SCARA5: variants seen among roughly 807,000 people sequenced by gnomAD.
SCARA5 encodes the protein scavenger receptor class A member 5.
A neutral mutation model predicts 46.3 loss-of-function variants in SCARA5; 45 were observed. The observed-to-expected ratio is 0.97, with a 90% CI of 0.76 to 1.24. The LOEUF (loss-of-function observed/expected upper bound fraction) is 1.24. SCARA5 is among the 50% of genes most tolerant of loss of function. The pLI is 0.00. For missense variants in SCARA5, 680 were observed against 689.0 expected (o/e 0.99, Z 0.15); for synonymous variants, 333 against 306.5 (o/e 1.09, Z -0.90).
At chr8:27,943,393 T>C (rs1363678244) in intron 3 of SCARA5, among the ~76,000 whole-genome samples, 1 of 151,494 alleles carries the variant, frequency 6.6e-6, no homozygotes, top group African/African-American at 2.4e-5. Flanking sequence ...CAGTGAGCAC[T>C]GCACTCCAGC....
At chr8:27,877,735 G>C (rs1331080678) in intron 8 of SCARA5, among the ~76,000 whole-genome samples, 1 of 152,030 alleles carries the variant, frequency 6.6e-6, no homozygotes, top group East Asian at 1.9e-4. Context: ...TTCTTTCCTG[G>C]TAGGCTGCCC....
intron 3 of SCARA5, among the ~76,000 whole-genome samples, chr8:27,941,514 G>A (rs1807944365): frequency 6.6e-6 from 1 of 152,086 alleles, no homozygotes; most frequent in Admixed American, 6.6e-5. Context: ...ACTGTGCTTT[G>A]TGTTATGCAG....
chr8:27,970,318 G>A (rs2129948259), intron 2 of SCARA5, among the ~76,000 whole-genome samples: 1 of 152,282 alleles, frequency 6.6e-6, no homozygotes, highest in South Asian at 2.1e-4. Flanking sequence ...CAACTCCAGA[G>A]GCAGAGCTCA....
At chr8:27,918,389 C>T (rs1807500921) in intron 4 of SCARA5, among the ~76,000 whole-genome samples, 3 of 151,970 alleles carry the variant, frequency 2.0e-5, no homozygotes, top group Admixed American at 6.6e-5. Context: ...ATGCAGAGGG[C>T]CCCATCATTA....
intron 7 of SCARA5, among the ~76,000 whole-genome samples, chr8:27,881,866 G>A (rs1410011805): frequency 6.6e-6 from 1 of 152,074 alleles, no homozygotes; most frequent in East Asian, 1.9e-4. Flanking sequence ...CTACACTGAT[G>A]CCTCGTCATC....
rs1806641261 is a variant in SCARA5 at position 27,871,730 on chromosome 8, A to G, written c.*204T>C. The stretch of plus-strand genomic sequence containing the variant: ...CTGGTGGAAGAGAGAGACGGGCAGT[A>G]GGTCCCAGAGTTATACTTCGGAGCA... On this transcript the variant is annotated 3_prime_UTR_variant, in exon 9 of 9. Coordinates refer to ENST00000354914, the MANE Select transcript of SCARA5 (RefSeq NM_173833.6). 1 of 1,411,580 alleles carries G rather than the reference A, an allele frequency of 7.1e-7. No homozygotes were observed. Among genetic ancestry groups the G allele is most frequent in the African/African-American group, 1.4e-5 (1 of 69,452 alleles). 87.4% of individuals were successfully genotyped at this position (1,411,580 alleles called of 1,614,324 possible).
intron 3 of SCARA5, among the ~76,000 whole-genome samples, chr8:27,939,055 G>A (rs1475429034): frequency 6.6e-6 from 1 of 152,112 alleles, no homozygotes; most frequent in African/African-American, 2.4e-5. Flanking sequence ...CACTATGTTG[G>A]CCACTTTATA....
Position 27,921,565 on chromosome 8 carries a change from C to G in SCARA5, c.916+6G>C. ...GTGGGTGGAGGCAGCAAGGGCCTGGCGGTACCTTTCGCGAGGGAGATGTTC... is the reference window on the plus strand; with the variant it reads ...GTGGGTGGAGGCAGCAAGGGCCTGGGGGTACCTTTCGCGAGGGAGATGTTC... On this transcript the variant is annotated splice_donor_region_variant and intron_variant, in intron 4 of 8. Coordinates refer to ENST00000354914, the MANE Select transcript of SCARA5 (RefSeq NM_173833.6). The G allele has an allele frequency of 1.3e-6, 2 of 1,542,118 alleles. No individual in the cohort carries two copies.
intron 4 of SCARA5, among the ~76,000 whole-genome samples, chr8:27,918,371 T>C (rs1002252643): frequency 1.3e-5 from 2 of 151,978 alleles, no homozygotes; most frequent in Non-Finnish European, 2.9e-5. Flanking sequence ...CTGTGTAAAC[T>C]GGAAAGGATG....
intron 3 of SCARA5, among the ~76,000 whole-genome samples, chr8:27,949,357 C>T (rs1041138440): frequency 2.0e-5 from 3 of 152,250 alleles, no homozygotes; most frequent in Admixed American, 2.0e-4. Context: ...TTTATTTTCT[C>T]CTATGAGAAC....
At chr8:27,916,114 T>C (rs1807456966) in intron 4 of SCARA5, among the ~76,000 whole-genome samples, 1 of 152,162 alleles carries the variant, frequency 6.6e-6, no homozygotes, top group African/African-American at 2.4e-5. Flanking sequence ...ACTGCAGATA[T>C]TCACAAGAGA....
chr8:27,937,329 A>G (rs1348518995), intron 3 of SCARA5, among the ~76,000 whole-genome samples: 1 of 152,068 alleles, frequency 6.6e-6, no homozygotes, highest in East Asian at 1.9e-4. Context: ...GGACTCACCT[A>G]TGCATGACCT....
Position 27,907,247 on chromosome 8 carries a change from C to A in SCARA5, c.998-1G>T. On this transcript the variant is annotated splice_acceptor_variant, in intron 5 of 8. Coordinates refer to ENST00000354914, the MANE Select transcript of SCARA5 (RefSeq NM_173833.6). LOFTEE classifies it high-confidence loss of function. ...GGGGTACCTCTCTCCCCGGGCAGAC[C>A]TGGGGAGAAAACAGACAAATGGCAG... is the stretch of plus-strand genomic sequence containing the variant. 1 of 1,610,664 alleles carries A rather than the reference C, an allele frequency of 6.2e-7. No homozygotes were observed. The highest frequency in any genetic ancestry group is 8.5e-7 in the Non-Finnish European group (1 of 1,177,832).
At chr8:27,941,076 G>C (rs561188284) in intron 3 of SCARA5, among the ~76,000 whole-genome samples, 6 of 151,878 alleles carry the variant, frequency 4.0e-5, no homozygotes, top group African/African-American at 1.4e-4. Context: ...AAATTCTGAT[G>C]ATAACTTTTA....
rs762769494 is a variant in SCARA5, at chr8:27,921,820, C to T, written c.667G>A (p.Val223Met). The change falls in exon 4 of 9, where the codon GTG becomes ATG. Residue 223 changes from valine to methionine, a missense_variant. This residue lies in a region of SCARA5 where 438 missense variants were observed against 384.5 expected (regional missense o/e 1.14). Coordinates refer to ENST00000354914, the MANE Select transcript of SCARA5 (RefSeq NM_173833.6). Reference protein sequence around the residue: ...VGILGEELADVGGVLRGLNHS... With the variant: ...VGILGEELADMGGVLRGLNHS... ...TTGAGGCCGCGCAGCACGCCGCCCA[C>T]GTCGGCCAGCTCCTCGCCCAGGATG... 21 of 1,548,798 alleles carry T rather than the reference C, an allele frequency of 1.4e-5. No individual in the cohort carries two copies. Among genetic ancestry groups the T allele is most frequent in the Admixed American group, 3.8e-5 (2 of 52,296 alleles).
rs1217139490 is a variant in SCARA5 at position 27,987,591 on chromosome 8, G to T, written c.25C>A (p.His9Asn). 2 of 1,613,532 alleles carry T rather than the reference G, an allele frequency of 1.2e-6. No homozygotes were observed. Among genetic ancestry groups the T allele is most frequent in the Admixed American group, 1.7e-5 (1 of 60,008 alleles). Reference sequence around the variant, plus strand: ...CTGGTGTCACAGTCGCTGACGGTGTGTAGGTACATAGCTTTGTTCTCCATC... The same window carrying T: ...CTGGTGTCACAGTCGCTGACGGTGTTTAGGTACATAGCTTTGTTCTCCATC... MENKAMYL[H>N]TVSDCDTSSI... is the part of the protein sequence containing the mutation. Residue 9 changes from histidine (H) to asparagine (N), a missense_variant, in exon 2 of 9, where the codon CAC becomes AAC. Physicochemically the swap from His to Asn is moderately conservative, Grantham distance 68. Coordinates refer to ENST00000354914, the MANE Select transcript of SCARA5 (RefSeq NM_173833.6).
Position 27,870,872 on chromosome 8 carries a change from C to G in SCARA5, c.*1062G>C, listed in dbSNP as rs943410278. On this transcript the variant is annotated 3_prime_UTR_variant, in exon 9 of 9. Coordinates refer to ENST00000354914, the MANE Select transcript of SCARA5 (RefSeq NM_173833.6). Reference sequence around the variant, plus strand: ...TTGGAAGATGCAAAATCATCACCTCCAAACAGCTGAGACACACATGACTTG... The same window carrying G: ...TTGGAAGATGCAAAATCATCACCTCGAAACAGCTGAGACACACATGACTTG... The G allele has an allele frequency of 6.6e-6, 1 of 152,242 alleles. No individual in the cohort carries two copies. Among genetic ancestry groups the G allele is most frequent in the Admixed American group, 6.5e-5 (1 of 15,284 alleles). 9.4% of individuals were successfully genotyped at this position (152,242 alleles called of 1,614,324 possible). A position where few individuals can be genotyped will look rare whatever the true frequency, so the allele number is the denominator to read the frequency against.
intron 2 of SCARA5, among the ~76,000 whole-genome samples, chr8:27,969,319 T>G (rs1808413882): frequency 6.6e-6 from 1 of 152,236 alleles, no homozygotes; most frequent in South Asian, 2.1e-4. Flanking sequence ...AAAAATAATT[T>G]TTTTAAAAAT....
intron 8 of SCARA5, among the ~76,000 whole-genome samples, chr8:27,875,397 G>A (rs1215275576): frequency 1.3e-5 from 2 of 152,200 alleles, no homozygotes; most frequent in Non-Finnish European, 2.9e-5. Flanking sequence ...TGCTGTGATA[G>A]AGAAGAATGT....
Sources: gnomAD v4.1 joint callset for allele counts (sites outside exome capture counted in the v4.1 genomes callset) on GRCh38, gnomAD v4.1.1 for gene constraint, gnomAD v4.1.1 regional missense constraint, MANE v1.5 for transcripts, NCBI Gene and HGNC (gene_info 2026-07-23, HGNC 2026-07-21) for gene names.